ARSG: variants seen among roughly 807,000 people sequenced by gnomAD.
ARSG encodes arylsulfatase G.
A neutral mutation model predicts 50.5 loss-of-function variants in ARSG; 37 were observed. The observed-to-expected ratio is 0.73, with a 90% CI of 0.56 to 0.96. The LOEUF (loss-of-function observed/expected upper bound fraction) is 0.96, where lower values mean the gene tolerates loss of function less well. Ranked by LOEUF, ARSG falls within the 50% of genes least tolerant of loss-of-function variation. The probability of loss-of-function intolerance (pLI) is 0.00; values close to 1 mark genes in which losing one functional copy is unlikely to be tolerated. For synonymous variants in ARSG, 225 were observed against 254.6 expected (o/e 0.88, Z 1.11); for missense variants, 629 against 675.3 (o/e 0.93, Z 0.76).
intron 11 of ARSG, among the ~76,000 whole-genome samples, chr17:68,411,652 G>A (rs2147361655): frequency 6.8e-6 from 1 of 147,964 alleles, no homozygotes; most frequent in Middle Eastern, 3.5e-3. Flanking sequence ...GCTTGGTGCA[G>A]AGCTGAGTTC....
At chr17:68,274,834 G>A (rs1237823618) in intron 1 of ARSG, among the ~76,000 whole-genome samples, 1 of 151,194 alleles carries the variant, frequency 6.6e-6, no homozygotes, top group Non-Finnish European at 1.5e-5. Flanking sequence ...AGGCTGGAGT[G>A]CAGTGGTGTG....
At chr17:68,310,935 T>C (rs1198647354) in intron 2 of ARSG, among the ~76,000 whole-genome samples, 1 of 152,224 alleles carries the variant, frequency 6.6e-6, no homozygotes, top group Non-Finnish European at 1.5e-5. Flanking sequence ...GTGTGGTGGC[T>C]CACGCCTGTA....
At chr17:68,437,005 A>AAT in the ARSG span, among the ~76,000 whole-genome samples, 7 of 107,264 alleles carry the variant, frequency 6.5e-5, no homozygotes, top group African/African-American at 1.1e-4. Flanking sequence ...AAAAAAAAAA[A>AAT]ATATATATAT....
Position 68,295,475 on chromosome 17 carries a change from A to T in ARSG, c.-552+3907A>T, listed in dbSNP as rs555501058. On this transcript the variant is annotated intron_variant, in intron 1 of 11. Transcript: ENST00000621439. Reference sequence around the variant, plus strand: ...TGCCATTTATTACTGCTTAAAAATTAAAAAAAAAAATAGAGAACATAGCCT... The same window carrying T: ...TGCCATTTATTACTGCTTAAAAATTTAAAAAAAAAATAGAGAACATAGCCT... Among the ~76,000 whole-genome samples, 8 of 144,976 alleles carry T rather than the reference A, an allele frequency of 5.5e-5. No individual in the cohort carries two copies. In the East Asian group the frequency reaches 8.0e-4, roughly 14 times the overall value.
Position 68,365,969 on chromosome 17 carries a change from G to A in ARSG, c.705-2579G>A, listed in dbSNP as rs922552847. On this transcript the variant is annotated intron_variant, in intron 6 of 11. Coordinates refer to ENST00000621439, the MANE Select transcript of ARSG (RefSeq NM_001267727.2). ...TATTTTTTTTTTGAGACAGAGTCTC[G>A]CTCTGTCGCCCAGGCTGGAGTGCAG... 2.0e-5 allele frequency among the ~76,000 whole-genome samples: 3 copies of A among 151,774 alleles called. No homozygotes were observed. In the South Asian group the frequency reaches 6.3e-4, roughly 32 times the overall value.
intron 8 of ARSG, chr17:68,379,969 G>A (rs549752934): frequency 1.5e-5 from 11 of 730,058 alleles, no homozygotes; most frequent in East Asian, 1.3e-4. Flanking sequence ...ACCTTTGAGC[G>A]ACACGGATTT....
intron 2 of ARSG, among the ~76,000 whole-genome samples, chr17:68,310,152 G>A (rs370256304): frequency 3.9e-5 from 6 of 152,060 alleles, no homozygotes; most frequent in African/African-American, 1.2e-4. Flanking sequence ...CAGAGATCGG[G>A]TTTCTCCATG....
downstream of ARSG, chr17:68,422,751 AAAAAG>A (rs1489300514): frequency 6.6e-6 from 1 of 151,480 alleles, no homozygotes; most frequent in African/African-American, 2.4e-5. Flanking sequence ...AAAAAAAAAA[AAAAAG>A]GGAAGGTCAG....
chr17:68,435,594 A>C, the ARSG span: 1 of 1,609,774 alleles, frequency 6.2e-7, no homozygotes. Flanking sequence ...AAACCCAGAC[A>C]GAGGTGTTGG....
At chr17:68,347,238 A>G (rs1384126992) in intron 4 of ARSG, 66 bp downstream of exon 4, 1 of 1,544,808 alleles carries the variant, frequency 6.5e-7, no homozygotes, top group Non-Finnish European at 8.9e-7. Flanking sequence ...GTAAGACTCC[A>G]TGAACAGCTA....
At chr17:68,337,562 C>T (rs1231115972) in intron 2 of ARSG, among the ~76,000 whole-genome samples, 1 of 152,078 alleles carries the variant, frequency 6.6e-6, no homozygotes, top group East Asian at 1.9e-4. Context: ...GATCATGACC[C>T]TGAACAGGCA....
chr17:68,429,112 T>C, the ARSG span, among the ~76,000 whole-genome samples: 11 of 152,248 alleles, frequency 7.2e-5, no homozygotes, highest in Admixed American at 4.6e-4. Flanking sequence ...CCTTGGGATC[T>C]ACTTTCAGGA....
intron 1 of ARSG, among the ~76,000 whole-genome samples, chr17:68,299,979 C>A (rs536884486): frequency 6.8e-6 from 1 of 147,186 alleles, no homozygotes; most frequent in African/African-American, 2.5e-5. Flanking sequence ...TGCTCTGTTG[C>A]CCAGGCTGGA....
At chr17:68,361,433 G>A (rs1421080988) in intron 6 of ARSG, among the ~76,000 whole-genome samples, 1 of 152,164 alleles carries the variant, frequency 6.6e-6, no homozygotes, top group African/African-American at 2.4e-5. Context: ...GAGACGTAAA[G>A]TCAGGCGTGG....
chr17:68,431,079 C>T, the ARSG span, among the ~76,000 whole-genome samples: 2 of 152,168 alleles, frequency 1.3e-5, no homozygotes, highest in East Asian at 3.8e-4. Flanking sequence ...ACTGTCTGTC[C>T]CACAGCCCTG....
In ARSG at chr17:68,307,722, A is replaced by G. The variant is rs2076663190; in HGVS notation, c.218+11A>G. 1 of 1,424,002 alleles carries G rather than the reference A, an allele frequency of 7.0e-7. No homozygotes were observed. The highest frequency in any genetic ancestry group is 1.4e-5 in the African/African-American group (1 of 71,284). 88.2% of individuals were successfully genotyped at this position (1,424,002 alleles called of 1,614,324 possible). A position where few individuals can be genotyped will look rare whatever the true frequency, so the allele number is the denominator to read the frequency against. On this transcript the variant is annotated intron_variant, in intron 2 of 11. Coordinates refer to ENST00000621439, the MANE Select transcript of ARSG (RefSeq NM_001267727.2). ...TTCGGAGGGAATGAGGTGAGTCTTG[A>G]GATGCCAGGCCAGCCTTTCTTTGGA...
At chr17:68,413,076 A>G (rs1323266904) in intron 11 of ARSG, among the ~76,000 whole-genome samples, 12 of 151,858 alleles carry the variant, frequency 7.9e-5, no homozygotes, top group African/African-American at 1.2e-4. Context: ...ATGTCCTCCC[A>G]TAGCTCAGAG....
At chr17:68,446,580 G>C in the ARSG span, among the ~76,000 whole-genome samples, 37 of 152,280 alleles carry the variant, frequency 2.4e-4, no homozygotes, top group Middle Eastern at 3.4e-3. Context: ...ATAAATATGA[G>C]TGTTCCTCTG....
intron 2 of ARSG, among the ~76,000 whole-genome samples, chr17:68,314,753 A>T (rs544374465): frequency 6.6e-6 from 1 of 152,290 alleles, no homozygotes; most frequent in East Asian, 1.9e-4. Flanking sequence ...GTTAGCATAG[A>T]GCCTAGCATA....
Sources: allele counts gnomAD v4.1 joint callset (sites outside exome capture counted in the v4.1 genomes callset), GRCh38; gene constraint gnomAD v4.1.1; transcripts MANE v1.5; gene names NCBI Gene and HGNC (gene_info 2026-07-23, HGNC 2026-07-21).